Variants in ACOXL observed in about 807,000 individuals in gnomAD.
The protein encoded by ACOXL is acyl-CoA oxidase like.
ACOXL carries 70 observed loss-of-function variants against 71.9 expected under a neutral mutation model. The ratio of observed to expected loss-of-function variants is 0.97; its 90% CI spans 0.80 to 1.19. The LOEUF (loss-of-function observed/expected upper bound fraction) is 1.19. Among genes scored for constraint, ACOXL ranks in the 50% most tolerant of loss-of-function variants. ACOXL has a pLI of 0.00. For synonymous variants in ACOXL, 253 were observed against 281.6 expected (o/e 0.90, Z 1.02); for missense variants, 703 against 736.3 (o/e 0.95, Z 0.52).
intron 16 of ACOXL, among the ~76,000 whole-genome samples, chr2:111,055,854 G>C (rs2066507711): frequency 6.6e-6 from 1 of 151,812 alleles, no homozygotes. Flanking sequence ...AAGAGTTGTG[G>C]GTGGGCTGTG....
At chr2:110,860,528 G>A (rs12989139) in intron 10 of ACOXL, among the ~76,000 whole-genome samples, 4 of 152,170 alleles carry the variant, frequency 2.6e-5, no homozygotes, top group East Asian at 1.9e-4. Flanking sequence ...GGACCTTTTC[G>A]GAGTGGCCAC....
chr2:110,963,886 T>C (rs2061816841), intron 12 of ACOXL, among the ~76,000 whole-genome samples: 1 of 152,212 alleles, frequency 6.6e-6, no homozygotes, highest in Non-Finnish European at 1.5e-5. Flanking sequence ...TAGCTGATCT[T>C]TGACTTTGAA....
chr2:110,938,910 G>C (rs1482622001), intron 12 of ACOXL, among the ~76,000 whole-genome samples: 2 of 151,818 alleles, frequency 1.3e-5, no homozygotes, highest in African/African-American at 4.8e-5. Flanking sequence ...ATTGCCTACA[G>C]ACTACTCATA....
At chr2:110,925,853 CT>C (rs59794309) in intron 11 of ACOXL, among the ~76,000 whole-genome samples, 2,920 of 121,002 alleles carry the variant, frequency 0.024, 103 homozygotes, top group African/African-American at 0.08. Context: ...TTACTTCTAG[CT>C]TTTTTTTTTT....
chr2:111,092,757 G>A (rs1430943404), intron 16 of ACOXL, 108 bp from the exon 17 acceptor site: 14 of 782,298 alleles, frequency 1.8e-5, no homozygotes, highest in South Asian at 3.6e-5. Context: ...TAACTTTTAC[G>A]ATTTTATGAA....
rs549580343 is a variant in ACOXL, at chr2:110,921,445, T to G, written c.906-12044T>G. On this transcript the variant is annotated intron_variant, in intron 11 of 17. Transcript: ENST00000439055. ...TCTTGCATTGTTTCCCAGGCTGGAG[T>G]GCAGTGGCGCCATCTCAGCTCACTT... Among the ~76,000 whole-genome samples, 17 of 126,910 alleles carry G rather than the reference T, an allele frequency of 1.3e-4. No homozygotes were observed. The South Asian group carries it at 2.9e-3, about 22-fold the overall frequency. 83.3% of individuals were successfully genotyped at this position (126,910 alleles called of 152,430 possible). A position where few individuals can be genotyped will look rare whatever the true frequency, so the allele number is the denominator to read the frequency against.
chr2:110,922,679 A>G (rs1212729006), intron 11 of ACOXL, among the ~76,000 whole-genome samples: 2 of 152,182 alleles, frequency 1.3e-5, no homozygotes, highest in Non-Finnish European at 2.9e-5. Context: ...TACACTGTCA[A>G]TGAAAATTAA....
At chr2:110,817,621 A>G (rs984191265) in intron 9 of ACOXL, among the ~76,000 whole-genome samples, 4 of 152,130 alleles carry the variant, frequency 2.6e-5, no homozygotes, top group African/African-American at 9.7e-5. Flanking sequence ...CTCTAGGGTC[A>G]TGGGGCAGCC....
intron 14 of ACOXL, among the ~76,000 whole-genome samples, chr2:111,014,451 G>A (rs1246927928): frequency 3.9e-5 from 6 of 152,144 alleles, no homozygotes; most frequent in African/African-American, 9.7e-5. Flanking sequence ...TAAAGACTAC[G>A]TAACACCCAA....
intron 16 of ACOXL, among the ~76,000 whole-genome samples, chr2:111,088,368 C>T (rs909367804): frequency 6.6e-6 from 1 of 152,080 alleles, no homozygotes; most frequent in Non-Finnish European, 1.5e-5. Flanking sequence ...GCACCATTCA[C>T]AATAGCAAAG....
Position 110,943,180 on chromosome 2 carries a change from AAG to A in ACOXL, c.1059+9540_1059+9541del, listed in dbSNP as rs1185643075. Among the ~76,000 whole-genome samples, 3 of 147,172 alleles carry A rather than the reference AAG, an allele frequency of 2.0e-5. No individual in the cohort carries two copies. The East Asian group carries it at 6.3e-4, about 31-fold the overall frequency. On this transcript the variant is annotated intron_variant, in intron 12 of 17. Coordinates refer to ENST00000439055, the MANE Select transcript of ACOXL (RefSeq NM_001142807.4). ...AGAAAAAGAAAAAGGGAGGGAGGGA[AAG>A]AAGGAAGGAAGGAAAGAGAAAGGAA...
chr2:111,037,971 A>G (rs759181701), intron 15 of ACOXL, among the ~76,000 whole-genome samples: 35 of 152,346 alleles, frequency 2.3e-4, no homozygotes, highest in Non-Finnish European at 4.3e-4. Context: ...TTGCCTCCGA[A>G]CAATGCTTCT....
chr2:111,080,842 C>T (rs976111280), intron 16 of ACOXL, among the ~76,000 whole-genome samples: 8 of 152,190 alleles, frequency 5.3e-5, no homozygotes, highest in African/African-American at 1.9e-4. Context: ...CTGGCTTCAT[C>T]CCTGGGATGC....
chr2:110,991,708 C>G (rs2063182184), intron 13 of ACOXL, among the ~76,000 whole-genome samples: 1 of 151,796 alleles, frequency 6.6e-6, no homozygotes, highest in African/African-American at 2.4e-5. Context: ...TTTATTGCTG[C>G]TCAGGACCCT....
At chr2:111,033,684 G>A (rs2065377948) in intron 15 of ACOXL, among the ~76,000 whole-genome samples, 1 of 152,176 alleles carries the variant, frequency 6.6e-6, no homozygotes, top group Admixed American at 6.5e-5. Context: ...TGCCGATCGG[G>A]TTGAAACATA....
In ACOXL at chr2:110,916,838, C is replaced by G. The variant is rs575242484; in HGVS notation, c.905+7933C>G. On this transcript the variant is annotated intron_variant, in intron 11 of 17. Coordinates refer to ENST00000439055, the MANE Select transcript of ACOXL (RefSeq NM_001142807.4). ...ATGGATAAATTCCTGGACACATACA[C>G]CCTCCCAAGTCTAAACCAGGAAGAA... Among the ~76,000 whole-genome samples the G allele has an allele frequency of 1.2e-3, 188 of 152,264 alleles. 1 individual carries two copies. Among genetic ancestry groups the G allele is most frequent in the Non-Finnish European group, 2.1e-3 (141 of 68,022 alleles).
chr2:111,070,454 C>T (rs781747067), intron 16 of ACOXL, among the ~76,000 whole-genome samples: 3 of 152,106 alleles, frequency 2.0e-5, no homozygotes, highest in African/African-American at 4.8e-5. Context: ...AGTAGGAACA[C>T]ATGGACACAT....
At chr2:110,813,320 C>A (rs1322448527) in intron 9 of ACOXL, among the ~76,000 whole-genome samples, 1 of 152,196 alleles carries the variant, frequency 6.6e-6, no homozygotes, top group Non-Finnish European at 1.5e-5. Context: ...ACCCCAGCCT[C>A]CTCAAACCTT....
chr2:110,830,612 C>T (rs1364000368), intron 9 of ACOXL, among the ~76,000 whole-genome samples: 1 of 152,016 alleles, frequency 6.6e-6, no homozygotes, highest in Non-Finnish European at 1.5e-5. Flanking sequence ...CGGCTCACTG[C>T]AAGCTCCGCC....
Sources: gnomAD v4.1 joint callset for allele counts (sites outside exome capture counted in the v4.1 genomes callset) on GRCh38, gnomAD v4.1.1 for gene constraint, MANE v1.5 for transcripts, NCBI Gene and HGNC (gene_info 2026-07-23, HGNC 2026-07-21) for gene names.